KLHL25: variants seen among roughly 807,000 people sequenced by gnomAD.
KLHL25 encodes the protein kelch-like protein 25.
KLHL25 carries 41 observed loss-of-function variants against 30.0 expected under a neutral mutation model. The ratio of observed to expected loss-of-function variants is 1.37; its 90% confidence interval spans 1.07 to 1.78. The LOEUF (loss-of-function observed/expected upper bound fraction) is 1.78. Ranked by LOEUF, KLHL25 falls within the 40% of genes most tolerant of loss-of-function variation. The probability of loss-of-function intolerance (pLI) is 0.00; values close to 1 mark genes in which losing one functional copy is unlikely to be tolerated. For missense variants in KLHL25, 971 were observed against 824.5 expected (o/e 1.18, Z -2.18); for synonymous variants, 399 against 355.3 (o/e 1.12, Z -1.38).
At position 85,768,242 on chromosome 15, in the gene KLHL25, G is replaced by A. The variant is rs1004484289; in HGVS notation, c.1569C>T (p.Asp523=). 10 of 1,614,040 alleles carry A rather than the reference G, an allele frequency of 6.2e-6. No individual in the cohort carries two copies. The highest frequency in any genetic ancestry group is 1.6e-4 in the Middle Eastern group (1 of 6,084). The change falls in exon 2 of 3, where the codon GAC becomes GAT. Residue 523 remains aspartate, a synonymous_variant. Coordinates refer to ENST00000337975, the MANE Select transcript of KLHL25 (RefSeq NM_022480.4). ...GGCAGGACATGCGCTTGGCAGTCAT[G>A]TCCCCAATCCGCGTCCACTGGTTGG... ...CETNQWTRIG[D]MTAKRMSCHA...
chr15:85,793,744 G>A (rs947626401), intron 1 of KLHL25, among the ~76,000 whole-genome samples: 5 of 152,042 alleles, frequency 3.3e-5, no homozygotes, highest in African/African-American at 1.2e-4. Context: ...GAACCAAATG[G>A]TCCAGACACC....
At chr15:85,783,794 A>C (rs1222444670) in intron 1 of KLHL25, among the ~76,000 whole-genome samples, 1 of 152,192 alleles carries the variant, frequency 6.6e-6, no homozygotes, top group African/African-American at 2.4e-5. Flanking sequence ...AGCGAATTGC[A>C]GATACCGACC....
intron 1 of KLHL25, among the ~76,000 whole-genome samples, chr15:85,780,872 A>G (rs1319822305): frequency 6.6e-6 from 1 of 152,190 alleles, no homozygotes; most frequent in African/African-American, 2.4e-5. Flanking sequence ...TTCCACTCCT[A>G]AAAATTTCCC....
intron 1 of KLHL25, among the ~76,000 whole-genome samples, chr15:85,788,696 T>C (rs2089797292): frequency 6.6e-6 from 1 of 152,222 alleles, no homozygotes; most frequent in African/African-American, 2.4e-5. Context: ...CAGGAGCTCT[T>C]TGAACCTGAC....
chr15:85,790,205 C>T lies in KLHL25; in HGVS notation c.-11+4561G>A, dbSNP rs192174490. ...CCCAGTTCAAGTGATTCTCCTGCCTCAGCCTCCCAAGTAGCTGGGATTACA... is the reference window on the plus strand; with the variant it reads ...CCCAGTTCAAGTGATTCTCCTGCCTTAGCCTCCCAAGTAGCTGGGATTACA... On this transcript the variant is annotated intron_variant, in intron 1 of 2. Coordinates refer to ENST00000337975, the MANE Select transcript of KLHL25 (RefSeq NM_022480.4). Among the ~76,000 whole-genome samples the T allele has an allele frequency of 3.0e-3, 459 of 152,352 alleles. 14 individuals carry two copies. The highest frequency in any genetic ancestry group is 0.026 in the Admixed American group (401 of 15,302).
At chr15:85,777,124 G>C (rs1284364647) in intron 1 of KLHL25, among the ~76,000 whole-genome samples, 1 of 152,168 alleles carries the variant, frequency 6.6e-6, no homozygotes, top group African/African-American at 2.4e-5. Context: ...GCTGCCCATG[G>C]GGCAGTTCTA....
intron 1 of KLHL25, among the ~76,000 whole-genome samples, chr15:85,774,271 G>A (rs947960610): frequency 1.3e-5 from 2 of 152,112 alleles, no homozygotes; most frequent in Non-Finnish European, 2.9e-5. Context: ...TGGATTTAAG[G>A]CACATAGCGT....
rs1242597911 is a variant in KLHL25, at chr15:85,769,086, G to A, written c.725C>T (p.Pro242Leu). ...LLRSVRLALLPSDCLQEAVSS... is the reference protein window; with the variant it reads ...LLRSVRLALLLSDCLQEAVSS... ...GACGGCCTCCTGCAGGCAGTCGGAC[G>A]GCAGCAAGGCCAGACGCACGCTGCG... The change falls in exon 2 of 3, where the codon CCG (proline) becomes CTG (leucine). Residue 242 changes from proline (P) to leucine (L), a missense_variant. Coordinates refer to ENST00000337975, the MANE Select transcript of KLHL25 (RefSeq NM_022480.4). 1.1e-5 allele frequency: 18 copies of A among 1,606,386 alleles called. No homozygotes were observed. Among genetic ancestry groups the A allele is most frequent in the Admixed American group, 1.7e-5 (1 of 59,896 alleles).
intron 1 of KLHL25, among the ~76,000 whole-genome samples, chr15:85,778,661 C>A (rs2089725641): frequency 6.6e-6 from 1 of 152,186 alleles, no homozygotes; most frequent in South Asian, 2.1e-4. Flanking sequence ...TGACCCAAGA[C>A]TGGGGAAGGG....
rs2089799630 is a variant in KLHL25 at position 85,789,096 on chromosome 15, C to G, written c.-11+5670G>C. Among the ~76,000 whole-genome samples, 1 of 152,220 alleles carries G rather than the reference C, an allele frequency of 6.6e-6. No homozygotes were observed. Among genetic ancestry groups the G allele is most frequent in the Non-Finnish European group, 1.5e-5 (1 of 68,040 alleles). On this transcript the variant is annotated intron_variant, in intron 1 of 2. Transcript: ENST00000337975. This position sits in a 1 kb window ranked among gnomAD's most constrained non-coding sequence, Gnocchi z 4.1. ...GCCTAGATGGATCTGTGGTCAGCCTCTCCTTGGGGGCCCAATGGGAACAGG... is the reference window on the plus strand; with the variant it reads ...GCCTAGATGGATCTGTGGTCAGCCTGTCCTTGGGGGCCCAATGGGAACAGG...
At chr15:85,782,691 AC>A (rs1435650025) in intron 1 of KLHL25, among the ~76,000 whole-genome samples, 1 of 152,144 alleles carries the variant, frequency 6.6e-6, no homozygotes, top group Non-Finnish European at 1.5e-5. Context: ...CTGAGCACCT[AC>A]AATGTGGTGC....
At chr15:85,761,355 C>A (rs774849079) in intron 2 of KLHL25, 1 of 148,910 alleles carries the variant, frequency 6.7e-6, no homozygotes, top group Non-Finnish European at 1.5e-5. Context: ...CAGAGGTGAC[C>A]GGCGTGAGAG....
chr15:85,794,145 T>A (rs968780048), intron 1 of KLHL25, among the ~76,000 whole-genome samples: 2 of 152,196 alleles, frequency 1.3e-5, no homozygotes, highest in African/African-American at 2.4e-5. Flanking sequence ...GACCTGCCAG[T>A]CTGGCCGCCA....
At chr15:85,778,568 C>T (rs2089724988) in intron 1 of KLHL25, among the ~76,000 whole-genome samples, 1 of 152,134 alleles carries the variant, frequency 6.6e-6, no homozygotes, top group Non-Finnish European at 1.5e-5. Flanking sequence ...GGCAATTTGC[C>T]CAAAGCTACG....
At chr15:85,764,830 C>T (rs1421069636) in intron 2 of KLHL25, among the ~76,000 whole-genome samples, 6 of 152,252 alleles carry the variant, frequency 3.9e-5, no homozygotes, top group African/African-American at 7.2e-5. Flanking sequence ...TATTCTAGTG[C>T]TATGAGTAAT....
chr15:85,774,885 T>C (rs918351301), intron 1 of KLHL25, among the ~76,000 whole-genome samples: 18 of 150,916 alleles, frequency 1.2e-4, no homozygotes, highest in African/African-American at 3.6e-4. Flanking sequence ...CTTTTCTTTT[T>C]TTTTTTTTTG....
At chr15:85,790,066 G>A (rs1597282806) in intron 1 of KLHL25, among the ~76,000 whole-genome samples, 1 of 152,122 alleles carries the variant, frequency 6.6e-6, no homozygotes, top group East Asian at 1.9e-4. Flanking sequence ...GGCAGAGCTG[G>A]AACTAGAACC....
intron 1 of KLHL25, chr15:85,770,915 T>C (rs572921371): frequency 6.9e-5 from 20 of 291,464 alleles, no homozygotes; most frequent in South Asian, 4.7e-4. Context: ...GTGAATGGCA[T>C]GACCCGAGGC....
chr15:85,785,087 CTTTTTTCT>C (rs2089771914), intron 1 of KLHL25, among the ~76,000 whole-genome samples: 1 of 139,082 alleles, frequency 7.2e-6, no homozygotes, highest in Non-Finnish European at 1.6e-5. Flanking sequence ...TGATGTATTT[CTTTTTTCT>C]TTTTTTTTTT....
Sources: allele counts gnomAD v4.1 joint callset (sites outside exome capture counted in the v4.1 genomes callset), GRCh38; gene constraint gnomAD v4.1.1; non-coding constraint Gnocchi (gnomAD v3.1); transcripts MANE v1.5; gene names NCBI Gene and HGNC (gene_info 2026-07-23, HGNC 2026-07-21).